NDFIP2: variants seen among roughly 807,000 people sequenced by gnomAD.
The protein encoded by NDFIP2 is NEDD4 family-interacting protein 2.
Under a neutral mutation model 36.0 loss-of-function variants are expected in NDFIP2, and 19 were observed. The observed-to-expected ratio is 0.53, with a 90% CI of 0.37 to 0.77. NDFIP2 has a LOEUF of 0.77. Among genes scored for constraint, NDFIP2 ranks in the 30% least tolerant of loss-of-function variants. NDFIP2 has a pLI of 0.00. For missense variants in NDFIP2, 446 were observed against 435.8 expected, an observed-to-expected ratio of 1.02 and a Z score of -0.21; for synonymous variants, 181 against 167.7, an observed-to-expected ratio of 1.08 and a Z score of -0.61.
chr13:79,483,298 T>C (rs1042039200), intron 1 of NDFIP2, among the ~76,000 whole-genome samples: 6 of 152,146 alleles, frequency 3.9e-5, no homozygotes, highest in African/African-American at 1.4e-4. Context: ...GCAATGTTAG[T>C]GTTAGAGTTA....
intron 2 of NDFIP2, among the ~76,000 whole-genome samples, chr13:79,529,544 C>T (rs1385056182): frequency 2.0e-4 from 31 of 152,026 alleles, no homozygotes. Context: ...TTTACTTGAC[C>T]ACTTACGTTT....
At chr13:79,521,046 A>G (rs1220448564) in intron 2 of NDFIP2, 71 bp downstream of exon 2, 7 of 1,275,086 alleles carry the variant, frequency 5.5e-6, no homozygotes, top group African/African-American at 1.5e-5. Context: ...TGTAATTATC[A>G]TGTCTGTTAA....
At chr13:79,521,823 C>CT (rs577691451) in intron 2 of NDFIP2, among the ~76,000 whole-genome samples, 19,686 of 130,440 alleles carry the variant, frequency 0.15, 1,824 homozygotes, top group Middle Eastern at 0.22. Flanking sequence ...TTTCGTTTTG[C>CT]TTTTTTTTTT....
At chr13:79,516,305 G>T (rs1313184413) in intron 1 of NDFIP2, among the ~76,000 whole-genome samples, 1 of 152,084 alleles carries the variant, frequency 6.6e-6, no homozygotes, top group Non-Finnish European at 1.5e-5. Flanking sequence ...CCAGGCTGGG[G>T]TGCAGCGGTG....
At chr13:79,514,829 C>A (rs1334801141) in intron 1 of NDFIP2, among the ~76,000 whole-genome samples, 3 of 152,144 alleles carry the variant, frequency 2.0e-5, no homozygotes, top group South Asian at 4.1e-4. Flanking sequence ...CCCCCCCTTA[C>A]ATTTTTTTAA....
intron 1 of NDFIP2, among the ~76,000 whole-genome samples, chr13:79,506,857 A>G (rs930113332): frequency 3.3e-5 from 5 of 152,162 alleles, no homozygotes; most frequent in Admixed American, 6.6e-5. Context: ...ATAACAAGGG[A>G]AAAATACCTT....
chr13:79,492,160 T>C (rs1482993595), intron 1 of NDFIP2, among the ~76,000 whole-genome samples: 1 of 152,182 alleles, frequency 6.6e-6, no homozygotes, highest in African/African-American at 2.4e-5. Flanking sequence ...AAGAATCTTC[T>C]AATGTGATGG....
At position 79,553,230 on chromosome 13, in the gene NDFIP2, A is replaced by G. The variant is rs948603924; in HGVS notation, c.*717A>G. 1 of 151,214 alleles carries G rather than the reference A, an allele frequency of 6.6e-6. No individual in the cohort carries two copies. Among genetic ancestry groups the G allele is most frequent in the Non-Finnish European group, 1.5e-5 (1 of 67,426 alleles). 9.4% of individuals were successfully genotyped at this position (151,214 alleles called of 1,614,324 possible). A position where few individuals can be genotyped will look rare whatever the true frequency, so the allele number is the denominator to read the frequency against. On this transcript the variant is annotated 3_prime_UTR_variant, in exon 8 of 8. Coordinates refer to ENST00000218652, the MANE Select transcript of NDFIP2 (RefSeq NM_019080.3). ...TATACACACACACATATATATATTTAGAAACGTGAGTGTTAAAGATAGAAT... is the reference window on the plus strand; with the variant it reads ...TATACACACACACATATATATATTTGGAAACGTGAGTGTTAAAGATAGAAT...
intron 2 of NDFIP2, among the ~76,000 whole-genome samples, chr13:79,531,740 C>T (rs1232222131): frequency 3.3e-5 from 5 of 152,202 alleles, no homozygotes; most frequent in African/African-American, 4.8e-5. Flanking sequence ...TTGCTCTGAA[C>T]CAGGCTTTGG....
At chr13:79,494,309 A>G (rs545930460) in intron 1 of NDFIP2, among the ~76,000 whole-genome samples, 3 of 152,072 alleles carry the variant, frequency 2.0e-5, no homozygotes, top group Non-Finnish European at 4.4e-5. Flanking sequence ...ATGTATGAAA[A>G]CCATCTAATT....
At chr13:79,545,001 C>T (rs868067711) in intron 5 of NDFIP2, among the ~76,000 whole-genome samples, 4 of 152,040 alleles carry the variant, frequency 2.6e-5, no homozygotes, top group Admixed American at 1.3e-4. Context: ...GTTCCTAACA[C>T]AAGTATAAAT....
chr13:79,510,439 C>G (rs1260458303), intron 1 of NDFIP2, among the ~76,000 whole-genome samples: 1 of 151,004 alleles, frequency 6.6e-6, no homozygotes, highest in African/African-American at 2.4e-5. Flanking sequence ...GGGAAAACTA[C>G]TTCCCCATTG....
chr13:79,497,877 T>A (rs1052540976), intron 1 of NDFIP2, among the ~76,000 whole-genome samples: 3 of 151,222 alleles, frequency 2.0e-5, no homozygotes, highest in Non-Finnish European at 4.4e-5. Flanking sequence ...CATGTCTTGG[T>A]GAACCAGCCT....
chr13:79,516,347 G>A (rs1408350050), intron 1 of NDFIP2, among the ~76,000 whole-genome samples: 3 of 152,030 alleles, frequency 2.0e-5, no homozygotes, highest in Admixed American at 6.5e-5. Flanking sequence ...TCCACCTTCC[G>A]GGCTCAGGTT....
At chr13:79,520,763 A>C in intron 1 of NDFIP2, 47 bp from the exon 2 acceptor site, 1 of 1,500,048 alleles carries the variant, frequency 6.7e-7, no homozygotes, top group African/African-American at 1.4e-5. Context: ...AAATTTAAAA[A>C]ATAATTAGCA....
chr13:79,504,615 C>T (rs1873789580), intron 1 of NDFIP2, among the ~76,000 whole-genome samples: 2 of 142,354 alleles, frequency 1.4e-5, no homozygotes, highest in South Asian at 2.3e-4. Flanking sequence ...AGTCTCTTTA[C>T]CTGGAACAGT....
chr13:79,507,430 C>T lies in NDFIP2; in HGVS notation c.322-13380C>T, dbSNP rs1475954255. ...CTGGGACTACAGGCGCCCGCCACTA[C>T]GCCCGGCTAATTTTTTTGTATTTTT... On this transcript the variant is annotated intron_variant, in intron 1 of 7. Coordinates refer to ENST00000218652, the MANE Select transcript of NDFIP2 (RefSeq NM_019080.3). 7.7e-5 allele frequency among the ~76,000 whole-genome samples: 5 copies of T among 64,854 alleles called. 2 individuals carry two copies. The highest frequency in any genetic ancestry group is 1.2e-4 in the Non-Finnish European group (5 of 40,684). The allele number at this position is 64,854 out of a possible 152,430, so 42.5% of individuals were successfully genotyped here. A position where few individuals can be genotyped will look rare whatever the true frequency, so the allele number is the denominator to read the frequency against.
At position 79,481,326 on chromosome 13, in the gene NDFIP2, G is replaced by T. The variant is rs1486663674; in HGVS notation, c.123G>T (p.Ala41=). 8 of 1,545,268 alleles carry T rather than the reference G, an allele frequency of 5.2e-6. No homozygotes were observed. The highest frequency in any genetic ancestry group is 2.4e-5 in the East Asian group (1 of 41,070). ...ATNAEVSAAA[A]GATGSEELPP... ...ACGCGGAGGTCTCGGCGGCCGCTGC[G>T]GGAGCCACAGGAAGTGAAGAGCTTC... The change falls in exon 1 of 8, where the codon GCG becomes GCT. Residue 41 remains alanine (A), a synonymous_variant. Transcript: ENST00000218652.
chr13:79,552,579 A>G lies in NDFIP2; in HGVS notation c.*66A>G, dbSNP rs1056343490. ...AAATTTCCAGATCATCTGTAAACCT[A>G]CAACTTTAATAGAAGACTACTAATA... On this transcript the variant is annotated 3_prime_UTR_variant, in exon 8 of 8. Coordinates refer to ENST00000218652, the MANE Select transcript of NDFIP2 (RefSeq NM_019080.3). 1 of 151,878 alleles carries G rather than the reference A, an allele frequency of 6.6e-6. No individual in the cohort carries two copies. Among genetic ancestry groups the G allele is most frequent in the African/African-American group, 2.4e-5 (1 of 41,398 alleles). 9.4% of individuals were successfully genotyped at this position (151,878 alleles called of 1,614,324 possible). A position where few individuals can be genotyped will look rare whatever the true frequency, so the allele number is the denominator to read the frequency against.
Sources: gnomAD v4.1 joint callset for allele counts (sites outside exome capture counted in the v4.1 genomes callset) on GRCh38, gnomAD v4.1.1 for gene constraint, MANE v1.5 for transcripts, NCBI Gene and HGNC (gene_info 2026-07-23, HGNC 2026-07-21) for gene names.